PTPRD: variants seen among roughly 807,000 people sequenced by gnomAD.
PTPRD encodes protein tyrosine phosphatase receptor type D, also known as receptor-type tyrosine-protein phosphatase delta.
A neutral mutation model predicts 214.5 loss-of-function variants in PTPRD; 34 were observed. The ratio of observed to expected loss-of-function variants is 0.16; its 90% CI spans 0.12 to 0.21. The LOEUF is 0.21. Among genes scored for constraint, PTPRD ranks in the 10% least tolerant of loss-of-function variants. PTPRD has a pLI of 1.00. For missense variants in PTPRD, 2,545 were observed against 2,398.7 expected (o/e 1.06, Z -1.27); for synonymous variants, 1,128 against 845.7 (o/e 1.33, Z -5.79).
intron 5 of PTPRD, among the ~76,000 whole-genome samples, chr9:9,824,923 T>C (rs1028314058): frequency 3.9e-5 from 6 of 151,996 alleles, no homozygotes; most frequent in Admixed American, 3.9e-4. Flanking sequence ...GCATATAAAG[T>C]GGGCTCTGGT....
chr9:9,940,995 G>A (rs1299404698), intron 4 of PTPRD, among the ~76,000 whole-genome samples: 1 of 151,802 alleles, frequency 6.6e-6, no homozygotes. Context: ...GGCTTCCCTG[G>A]GCCACACCAG....
At chr9:9,864,110 G>C (rs2063401942) in intron 5 of PTPRD, among the ~76,000 whole-genome samples, 1 of 152,130 alleles carries the variant, frequency 6.6e-6, no homozygotes, top group Non-Finnish European at 1.5e-5. Flanking sequence ...TTTGAGACCA[G>C]CCTGGCCAAC....
At chr9:9,181,471 A>G (rs978859196) in intron 10 of PTPRD, among the ~76,000 whole-genome samples, 2 of 152,068 alleles carry the variant, frequency 1.3e-5, no homozygotes, top group South Asian at 4.1e-4. Context: ...CTGATGCTCT[A>G]AATTTTAATA....
At chr9:8,398,550 T>G (rs1257006715) in intron 36 of PTPRD, among the ~76,000 whole-genome samples, 2 of 152,228 alleles carry the variant, frequency 1.3e-5, no homozygotes, top group African/African-American at 4.8e-5. Context: ...ATTCATATGT[T>G]AAACCTAATC....
At chr9:9,895,215 A>G (rs905520899) in intron 5 of PTPRD, among the ~76,000 whole-genome samples, 5 of 152,072 alleles carry the variant, frequency 3.3e-5, no homozygotes, top group Non-Finnish European at 1.5e-5. Flanking sequence ...GAAGAAATAT[A>G]CATACCAATA....
chr9:8,995,668 G>T (rs1012079599), intron 11 of PTPRD, among the ~76,000 whole-genome samples: 2 of 152,064 alleles, frequency 1.3e-5, no homozygotes, highest in Non-Finnish European at 2.9e-5. Context: ...CTATCATAGA[G>T]AGTGCCACTG....
At chr9:8,840,063 A>C (rs1044376784) in intron 11 of PTPRD, among the ~76,000 whole-genome samples, 2 of 152,256 alleles carry the variant, frequency 1.3e-5, no homozygotes, top group Non-Finnish European at 2.9e-5. Flanking sequence ...TAATGAGATT[A>C]TATTACTTTT....
chr9:8,491,658 T>TAAA (rs922847603), intron 27 of PTPRD, among the ~76,000 whole-genome samples: 178 of 113,506 alleles, frequency 1.6e-3, no homozygotes, highest in African/African-American at 5.6e-3. Context: ...CAATGGTATT[T>TAAA]AAAAAAAAAA....
intron 3 of PTPRD, among the ~76,000 whole-genome samples, chr9:10,273,637 T>G (rs2094532285): frequency 6.6e-6 from 1 of 152,164 alleles, no homozygotes; most frequent in Non-Finnish European, 1.5e-5. Context: ...GTACAGAAAT[T>G]GATAGAAATA....
chr9:9,318,413 T>A (rs890213581), intron 9 of PTPRD, among the ~76,000 whole-genome samples: 1 of 152,114 alleles, frequency 6.6e-6, no homozygotes, highest in Non-Finnish European at 1.5e-5. Context: ...GACTATAAAA[T>A]GAGATTCTAA....
chr9:8,917,836 A>T (rs1005968072), intron 11 of PTPRD, among the ~76,000 whole-genome samples: 2 of 152,198 alleles, frequency 1.3e-5, no homozygotes, highest in Non-Finnish European at 2.9e-5. Context: ...GCTAGAGACC[A>T]TTTGATGGAA....
intron 7 of PTPRD, among the ~76,000 whole-genome samples, chr9:9,701,320 G>T (rs922205756): frequency 5.3e-5 from 8 of 152,052 alleles, no homozygotes; most frequent in Non-Finnish European, 1.0e-4. Flanking sequence ...ACTAATTAAG[G>T]ACAAAAGCAG....
At position 10,047,333 on chromosome 9, in the gene PTPRD, TGTGTGC is replaced by T. The variant is rs1174078065; in HGVS notation, c.-544-13549_-544-13544del. Reference sequence around the variant, plus strand: ...CTAACTGTGTGTGTGTGTGTGTGTGTGTGTGCGTGTGTGTGTGTGCTTGTGTGATAA... The same window carrying T: ...CTAACTGTGTGTGTGTGTGTGTGTGTGTGTGTGTGTGTGCTTGTGTGATAA... On this transcript the variant is annotated intron_variant, in intron 3 of 45. Coordinates refer to ENST00000381196, the MANE Select transcript of PTPRD (RefSeq NM_002839.4). Among the ~76,000 whole-genome samples the T allele has an allele frequency of 9.9e-3, 1,483 of 150,498 alleles. 15 individuals are homozygous for T. The highest frequency in any genetic ancestry group is 0.027 in the African/African-American group (1,118 of 40,810).
At chr9:9,947,880 T>G (rs1190285503) in intron 4 of PTPRD, among the ~76,000 whole-genome samples, 1 of 151,072 alleles carries the variant, frequency 6.6e-6, no homozygotes, top group Non-Finnish European at 1.5e-5. Context: ...TATATCTATT[T>G]TTAGATAGAA....
intron 11 of PTPRD, among the ~76,000 whole-genome samples, chr9:8,866,010 G>C (rs1403433922): frequency 2.6e-5 from 4 of 152,126 alleles, no homozygotes; most frequent in Non-Finnish European, 4.4e-5. Flanking sequence ...CTTCTAACTG[G>C]TGTTGACATT....
chr9:9,822,875 A>C (rs1030465217), intron 5 of PTPRD, among the ~76,000 whole-genome samples: 1 of 152,122 alleles, frequency 6.6e-6, no homozygotes, highest in African/African-American at 2.4e-5. Context: ...TGGGAATGTA[A>C]GTCAACGCAG....
At chr9:8,866,390 T>C (rs746071041) in intron 11 of PTPRD, among the ~76,000 whole-genome samples, 3 of 152,296 alleles carry the variant, frequency 2.0e-5, no homozygotes, top group Non-Finnish European at 4.4e-5. Context: ...TTCTCTGGAC[T>C]AATACAATAA....
At chr9:9,385,163 C>T (rs2063502265) in intron 9 of PTPRD, among the ~76,000 whole-genome samples, 1 of 152,092 alleles carries the variant, frequency 6.6e-6, no homozygotes, top group African/African-American at 2.4e-5. Context: ...CATGTTCTGT[C>T]TTCATTTACC....
chr9:9,903,972 T>C (rs1163231914), intron 5 of PTPRD, among the ~76,000 whole-genome samples: 1 of 152,132 alleles, frequency 6.6e-6, no homozygotes, highest in African/African-American at 2.4e-5. Context: ...AACCTCTATC[T>C]TGGGTCAAAG....
Sources: allele counts gnomAD v4.1 joint callset (sites outside exome capture counted in the v4.1 genomes callset), GRCh38; gene constraint gnomAD v4.1.1; transcripts MANE v1.5; gene names NCBI Gene and HGNC (gene_info 2026-07-23, HGNC 2026-07-21).